LMBR1: variants seen among roughly 807,000 people sequenced by gnomAD.
The protein encoded by LMBR1 is limb development membrane protein 1.
A neutral mutation model predicts 73.9 loss-of-function variants in LMBR1; 52 were observed. The observed-to-expected ratio is 0.70, with a 90% CI of 0.56 to 0.89. LMBR1 has a LOEUF of 0.89. Among genes scored for constraint, LMBR1 ranks in the 40% least tolerant of loss-of-function variants. LMBR1 has a pLI of 0.00. For missense variants in LMBR1, 539 were observed against 579.8 expected (o/e 0.93, Z 0.72); for synonymous variants, 215 against 209.4 (o/e 1.03, Z -0.23).
At position 156,725,510 on chromosome 7, in the gene LMBR1, G is replaced by A. The variant is rs757854346; in HGVS notation, c.1083C>T (p.Ser361=). ...GAAGGCTATAGAAGCCGACAACAGA[G>A]GACACCATAAGATAGCTGTGAGAAT... is the stretch of plus-strand genomic sequence containing the variant. ...EIILIFYLMV[S]SVVGFYSLRF... Residue 361 remains serine, a synonymous_variant, in exon 14 of 17, where the codon TCC becomes TCT. Coordinates refer to ENST00000353442, the MANE Select transcript of LMBR1 (RefSeq NM_022458.4). 15 of 1,604,258 alleles carry A rather than the reference G, an allele frequency of 9.4e-6. No homozygotes were observed. The Admixed American group carries it at 1.5e-4, about 16-fold the overall frequency.
chr7:156,793,063 C>T (rs1007815249), intron 5 of LMBR1, among the ~76,000 whole-genome samples: 5 of 152,320 alleles, frequency 3.3e-5, no homozygotes, highest in African/African-American at 1.2e-4. Flanking sequence ...AATCGATGAG[C>T]AAGCAGCTTT....
chr7:156,860,566 C>T (rs1797587772), intron 1 of LMBR1, among the ~76,000 whole-genome samples: 3 of 152,160 alleles, frequency 2.0e-5, no homozygotes, highest in Admixed American at 2.0e-4. Context: ...CCCCAACAGT[C>T]CCCCAAAATC....
At chr7:156,711,132 A>G (rs1019918081) in intron 15 of LMBR1, among the ~76,000 whole-genome samples, 3 of 152,198 alleles carry the variant, frequency 2.0e-5, no homozygotes, top group African/African-American at 7.2e-5. Flanking sequence ...AACATGGTGA[A>G]ACCCTATCTC....
rs1242723742 is a variant in LMBR1 at position 156,798,118 on chromosome 7, C to T, written c.320-1626G>A. On this transcript the variant is annotated intron_variant, in intron 4 of 16. Coordinates refer to ENST00000353442, the MANE Select transcript of LMBR1 (RefSeq NM_022458.4). Reference sequence around the variant, plus strand: ...TGAGTTCTAGGCAGACCTGGGTGCACGTCCTGCTGCACTTCTATGTGACAA... The same window carrying T: ...TGAGTTCTAGGCAGACCTGGGTGCATGTCCTGCTGCACTTCTATGTGACAA... 3.3e-5 allele frequency among the ~76,000 whole-genome samples: 5 copies of T among 152,162 alleles called. No homozygotes were observed. In the East Asian group the frequency reaches 7.7e-4, roughly 23 times the overall value.
intron 1 of LMBR1, among the ~76,000 whole-genome samples, chr7:156,845,529 T>C (rs951099054): frequency 6.6e-6 from 1 of 151,970 alleles, no homozygotes; most frequent in East Asian, 1.9e-4. Flanking sequence ...CGGGAAAAAC[T>C]ATTAAAAGAA....
Position 156,727,998 on chromosome 7 carries a change from C to A in LMBR1, c.925G>T (p.Val309Phe). 6.2e-7 allele frequency: 1 copy of A among 1,612,406 alleles called. No homozygotes were observed. The highest frequency in any genetic ancestry group is 8.5e-7 in the Non-Finnish European group (1 of 1,179,112). Residue 309 changes from valine to phenylalanine, a missense_variant, in exon 12 of 17, where the codon GTC (valine) becomes TTC (phenylalanine). This residue lies in a region of LMBR1 where 454 missense variants were observed against 473.4 expected (regional missense o/e 0.96). Coordinates refer to ENST00000353442, the MANE Select transcript of LMBR1 (RefSeq NM_022458.4). Reference protein sequence around the residue: ...VLLLIETSISVLLVACNILCL... With the variant: ...VLLLIETSISFLLVACNILCL... The stretch of plus-strand genomic sequence containing the variant: ...AGAATATTACAAGCCACCAAGAGGA[C>A]CGAGATGGACTACAAGACAAACAGC...
At chr7:156,798,810 GGTCA>G (rs1830459606) in intron 4 of LMBR1, among the ~76,000 whole-genome samples, 1 of 152,028 alleles carries the variant, frequency 6.6e-6, no homozygotes, top group African/African-American at 2.4e-5. Flanking sequence ...GAAAGATAAA[GGTCA>G]GTGTGTCACG....
At chr7:156,816,185 A>T (rs562363260) in intron 4 of LMBR1, among the ~76,000 whole-genome samples, 1 of 151,616 alleles carries the variant, frequency 6.6e-6, no homozygotes, top group African/African-American at 2.4e-5. Flanking sequence ...TGAAAAAAAT[A>T]TTTTTTTTTC....
rs548662278 is a variant in LMBR1 at position 156,852,996 on chromosome 7, T to C, written c.67-16111A>G. 2.4e-3 allele frequency among the ~76,000 whole-genome samples: 360 copies of C among 151,888 alleles called. 2 individuals carry two copies. In the Middle Eastern group the frequency reaches 0.027, roughly 12 times the overall value. On this transcript the variant is annotated intron_variant, in intron 1 of 16. Coordinates refer to ENST00000353442, the MANE Select transcript of LMBR1 (RefSeq NM_022458.4). ...ATCTGTCGCCCAGGCTGGAGTGCAG[T>C]GGCCCGATCTCAGCTCATTGCAAGC... is the stretch of plus-strand genomic sequence containing the variant.
At chr7:156,692,530 G>A (rs774366723) in intron 15 of LMBR1, among the ~76,000 whole-genome samples, 3 of 152,204 alleles carry the variant, frequency 2.0e-5, no homozygotes, top group Non-Finnish European at 4.4e-5. Context: ...ACTGAACAAA[G>A]TATATGAAAC....
intron 9 of LMBR1, among the ~76,000 whole-genome samples, chr7:156,737,607 A>G (rs1032660528): frequency 1.3e-5 from 2 of 151,560 alleles, no homozygotes; most frequent in Admixed American, 1.3e-4. Context: ...TATTTTACCT[A>G]TTTTTGCCAT....
chr7:156,709,781 G>C (rs560971075), intron 15 of LMBR1, among the ~76,000 whole-genome samples: 2 of 151,752 alleles, frequency 1.3e-5, no homozygotes, highest in Non-Finnish European at 2.9e-5. Flanking sequence ...AGTAATTCTG[G>C]CAATATAAAA....
At chr7:156,712,754 T>C (rs1812343332) in intron 15 of LMBR1, among the ~76,000 whole-genome samples, 1 of 152,150 alleles carries the variant, frequency 6.6e-6, no homozygotes, top group South Asian at 2.1e-4. Context: ...ACAAGTCAGA[T>C]ACAGAAAGAC....
intron 15 of LMBR1, among the ~76,000 whole-genome samples, chr7:156,718,982 A>AT (rs1277744562): frequency 5.1e-4 from 78 of 151,858 alleles, no homozygotes; most frequent in Admixed American, 9.8e-4. Context: ...CTGGGCAATG[A>AT]TTTTTTTATT....
chr7:156,856,330 T>C (rs756013813), intron 1 of LMBR1, among the ~76,000 whole-genome samples: 4 of 152,190 alleles, frequency 2.6e-5, no homozygotes, highest in Non-Finnish European at 5.9e-5. Context: ...TTGTTTTTAC[T>C]GGAGGCACAG....
chr7:156,759,631 G>A (rs1439673922), intron 8 of LMBR1, among the ~76,000 whole-genome samples: 1 of 152,118 alleles, frequency 6.6e-6, no homozygotes, highest in East Asian at 1.9e-4. Flanking sequence ...TTACCAACAA[G>A]AAAAGAAACA....
intron 4 of LMBR1, among the ~76,000 whole-genome samples, chr7:156,805,090 T>A (rs897702936): frequency 2.0e-5 from 3 of 152,050 alleles, no homozygotes; most frequent in African/African-American, 7.2e-5. Flanking sequence ...TAAAAAAAAA[T>A]CATCTTCCCA....
At chr7:156,676,269 A>G (rs1457210469), downstream of LMBR1, 2 of 1,551,054 alleles carry the variant, frequency 1.3e-6, no homozygotes, top group Non-Finnish European at 1.7e-6. Flanking sequence ...ATATATATAA[A>G]TAAAATGCAT....
At chr7:156,813,550 GAAATATAC>G (rs1833440256) in intron 4 of LMBR1, among the ~76,000 whole-genome samples, 1 of 152,004 alleles carries the variant, frequency 6.6e-6, no homozygotes, top group African/African-American at 2.4e-5. Context: ...TCCCTATTGT[GAAATATAC>G]GTTCTCTTCA....
Sources: gnomAD v4.1 joint callset for allele counts (sites outside exome capture counted in the v4.1 genomes callset) on GRCh38, gnomAD v4.1.1 for gene constraint, gnomAD v4.1.1 regional missense constraint, MANE v1.5 for transcripts, NCBI Gene and HGNC (gene_info 2026-07-23, HGNC 2026-07-21) for gene names.